The following REC114 variants were observed in gnomAD, a reference collection of about 807,000 sequenced individuals.
REC114 encodes the protein REC114 meiotic recombination protein, also known as meiotic recombination protein REC114.
A neutral mutation model predicts 31.3 loss-of-function variants in REC114; 27 were observed. The ratio of observed to expected loss-of-function variants is 0.86; its 90% CI spans 0.64 to 1.19. REC114 has a LOEUF of 1.19. Ranked by LOEUF, REC114 falls within the 50% of genes most tolerant of loss-of-function variation. REC114 has a pLI of 0.00. For synonymous variants in REC114, 134 were observed against 127.7 expected, an observed-to-expected ratio of 1.05 and a Z score of -0.33; for missense variants, 344 against 326.9, an observed-to-expected ratio of 1.05 and a Z score of -0.40.
rs375168534 is a variant in REC114 at position 73,473,389 on chromosome 15, CA to C, written c.160-433del. Among the ~76,000 whole-genome samples the C allele has an allele frequency of 7.2e-5, 10 of 139,456 alleles. No individual in the cohort carries two copies. The South Asian group carries it at 1.6e-3, about 23-fold the overall frequency. 91.5% of individuals were successfully genotyped at this position (139,456 alleles called of 152,430 possible). ...GGGCAACAAGAGTGAAACTCTGTCT[CA>C]AAAAAAAAACAAAAAAGAAAAGAAA... is the stretch of plus-strand genomic sequence containing the variant. On this transcript the variant is annotated intron_variant, in intron 1 of 5. Coordinates refer to ENST00000331090, the MANE Select transcript of REC114 (RefSeq NM_001042367.2).
intron 1 of REC114, among the ~76,000 whole-genome samples, chr15:73,453,886 G>A (rs1892883804): frequency 6.7e-6 from 1 of 149,590 alleles, no homozygotes; most frequent in South Asian, 2.1e-4. Context: ...ACCAAACACT[G>A]CATGTTCTCA....
At chr15:73,513,989 G>T (rs977832473) in intron 2 of REC114, among the ~76,000 whole-genome samples, 1 of 152,012 alleles carries the variant, frequency 6.6e-6, no homozygotes, top group Admixed American at 6.6e-5. Flanking sequence ...CGAGCTTCCT[G>T]GCTGCTTTGT....
chr15:73,495,039 A>T (rs992586700), intron 2 of REC114, among the ~76,000 whole-genome samples: 4 of 152,186 alleles, frequency 2.6e-5, no homozygotes, highest in African/African-American at 9.7e-5. Flanking sequence ...GACAATTTTT[A>T]AAAGAGATTC....
At chr15:73,446,999 T>C (rs1036833561) in intron 1 of REC114, among the ~76,000 whole-genome samples, 6 of 152,042 alleles carry the variant, frequency 3.9e-5, no homozygotes, top group African/African-American at 1.2e-4. Context: ...GGCATGGCAG[T>C]AGAGATAGGG....
At chr15:73,553,718 G>C (rs914228056) in intron 4 of REC114, among the ~76,000 whole-genome samples, 2 of 152,224 alleles carry the variant, frequency 1.3e-5, no homozygotes, top group African/African-American at 4.8e-5. Flanking sequence ...CCAGCTCTCT[G>C]ATGTTAAAGA....
At chr15:73,466,564 A>G (rs1440877242) in intron 1 of REC114, among the ~76,000 whole-genome samples, 2 of 146,228 alleles carry the variant, frequency 1.4e-5, no homozygotes, top group African/African-American at 2.8e-5. Flanking sequence ...GGGGAAGGAA[A>G]ACAACAACAA....
chr15:73,470,628 C>CT (rs1567856937), intron 1 of REC114, among the ~76,000 whole-genome samples: 2 of 152,186 alleles, frequency 1.3e-5, no homozygotes, highest in African/African-American at 4.8e-5. Context: ...AAAAAAATCT[C>CT]TATCTTCATG....
chr15:73,485,594 G>A (rs981869418), intron 2 of REC114, among the ~76,000 whole-genome samples: 1 of 152,100 alleles, frequency 6.6e-6, no homozygotes, highest in Non-Finnish European at 1.5e-5. Context: ...GTGAGATCTG[G>A]TTACATAAAG....
intron 3 of REC114, among the ~76,000 whole-genome samples, chr15:73,546,206 G>T (rs1894306444): frequency 6.6e-6 from 1 of 151,826 alleles, no homozygotes; most frequent in Non-Finnish European, 1.5e-5. Flanking sequence ...TGTTAACCTA[G>T]TATGTTGACA....
chr15:73,444,984 G>T (rs1327090187), intron 1 of REC114, among the ~76,000 whole-genome samples: 10 of 152,132 alleles, frequency 6.6e-5, no homozygotes, highest in African/African-American at 2.4e-4. Context: ...ATTTTGACAA[G>T]AATCTTTTTT....
In REC114 at chr15:73,443,347, G is replaced by T; in HGVS notation, c.159+3G>T. Reference sequence around the variant, plus strand: ...CAGCCCCCTGCCCCACATGGAAGGTGAGGCCCGAAGGCAGGAATATCCCTG... The same window carrying T: ...CAGCCCCCTGCCCCACATGGAAGGTTAGGCCCGAAGGCAGGAATATCCCTG... On this transcript the variant is annotated splice_donor_region_variant and intron_variant, in intron 1 of 5. Transcript: ENST00000331090. 6.4e-7 allele frequency: 1 copy of T among 1,565,726 alleles called. No individual in the cohort carries two copies.
intron 2 of REC114, among the ~76,000 whole-genome samples, chr15:73,496,932 T>TA (rs1567872232): frequency 6.6e-6 from 1 of 150,558 alleles, no homozygotes; most frequent in Non-Finnish European, 1.5e-5. Flanking sequence ...GTCTTTATTT[T>TA]TTTTTTTTTT....
intron 1 of REC114, among the ~76,000 whole-genome samples, chr15:73,465,684 T>G (rs1391990420): frequency 6.6e-6 from 1 of 152,214 alleles, no homozygotes; most frequent in Non-Finnish European, 1.5e-5. Flanking sequence ...ATGATAAAAT[T>G]ATTTTCTGAA....
At chr15:73,464,636 C>G (rs772740392) in intron 1 of REC114, among the ~76,000 whole-genome samples, 1 of 152,096 alleles carries the variant, frequency 6.6e-6, no homozygotes, top group Non-Finnish European at 1.5e-5. Context: ...TGGCCAACTC[C>G]TTTGTGACTC....
intron 2 of REC114, among the ~76,000 whole-genome samples, chr15:73,485,689 C>T (rs1893355906): frequency 6.6e-6 from 1 of 152,150 alleles, no homozygotes; most frequent in Admixed American, 6.5e-5. Flanking sequence ...CCAGAGGCCT[C>T]CCCAGAAGCA....
Position 73,516,175 on chromosome 15 carries a change from A to T in REC114, c.250-24310A>T, listed in dbSNP as rs890285623. On this transcript the variant is annotated intron_variant, in intron 2 of 5. Coordinates refer to ENST00000331090, the MANE Select transcript of REC114 (RefSeq NM_001042367.2). Reference sequence around the variant, plus strand: ...TAATTTTTGTATTTTTAGTAGAGACAGGGTTTCACCATGTTAGCCAGGCTA... The same window carrying T: ...TAATTTTTGTATTTTTAGTAGAGACTGGGTTTCACCATGTTAGCCAGGCTA... 5.7e-4 allele frequency among the ~76,000 whole-genome samples: 87 copies of T among 152,120 alleles called. 1 individual carries two copies. The highest frequency in any genetic ancestry group is 1.9e-3 in the African/African-American group (78 of 41,538).
At chr15:73,527,415 C>G (rs774520160) in intron 2 of REC114, among the ~76,000 whole-genome samples, 1 of 152,166 alleles carries the variant, frequency 6.6e-6, no homozygotes, top group Non-Finnish European at 1.5e-5. Flanking sequence ...CTTGGCCTAC[C>G]TGACCTCCCA....
chr15:73,524,851 A>G (rs990813488), intron 2 of REC114, among the ~76,000 whole-genome samples: 2 of 152,178 alleles, frequency 1.3e-5, no homozygotes, highest in African/African-American at 4.8e-5. Context: ...TGCCTGCCTC[A>G]GCCTCCCAAA....
chr15:73,538,518 G>A (rs576126632), intron 2 of REC114, among the ~76,000 whole-genome samples: 3 of 145,376 alleles, frequency 2.1e-5, no homozygotes, highest in South Asian at 4.3e-4. Context: ...CTGCAGTGGC[G>A]CTATCTTGGC....
Sources: gnomAD v4.1 joint callset for allele counts (sites outside exome capture counted in the v4.1 genomes callset) on GRCh38, gnomAD v4.1.1 for gene constraint, MANE v1.5 for transcripts, NCBI Gene and HGNC (gene_info 2026-07-23, HGNC 2026-07-21) for gene names.